CLEC2A: variants seen among roughly 807,000 people sequenced by gnomAD.
CLEC2A encodes C-type lectin domain family 2 member A.
Under a neutral mutation model 18.6 loss-of-function variants are expected in CLEC2A, and 19 were observed. That is an observed-to-expected ratio of 1.02 (90% CI 0.71 to 1.50). The LOEUF (loss-of-function observed/expected upper bound fraction) is 1.50, where lower values mean the gene tolerates loss of function less well. Among genes scored for constraint, CLEC2A ranks in the 40% most tolerant of loss-of-function variants. The pLI is 0.00. For synonymous variants in CLEC2A, 74 were observed against 64.0 expected (o/e 1.16, Z -0.75); for missense variants, 190 against 207.9 (o/e 0.91, Z 0.53).
At chr12:9,889,717 A>G in the CLEC2A span, among the ~76,000 whole-genome samples, 1 of 151,668 alleles carries the variant, frequency 6.6e-6, no homozygotes, top group Non-Finnish European at 1.5e-5. Context: ...TGTAAATGCC[A>G]TTGGTTGTGG....
chr12:9,903,923 C>T (rs1862870587), intron 4 of CLEC2A, among the ~76,000 whole-genome samples: 2 of 152,086 alleles, frequency 1.3e-5, no homozygotes, highest in South Asian at 4.1e-4. Flanking sequence ...TTGTTTTTAT[C>T]CTTTTTGGTT....
intron 2 of CLEC2A, among the ~76,000 whole-genome samples, chr12:9,923,674 A>C (rs1055854952): frequency 6.6e-6 from 1 of 152,184 alleles, no homozygotes; most frequent in Non-Finnish European, 1.5e-5. Flanking sequence ...ACTTGGAACC[A>C]AACCAAGTGC....
At chr12:9,891,605 C>A in the CLEC2A span, among the ~76,000 whole-genome samples, 1 of 152,096 alleles carries the variant, frequency 6.6e-6, no homozygotes, top group Non-Finnish European at 1.5e-5. Context: ...TCATTTTATA[C>A]CTTTTAGCAA....
At chr12:9,913,941 G>C (rs79629724) in intron 4 of CLEC2A, among the ~76,000 whole-genome samples, 3,004 of 152,226 alleles carry the variant, frequency 0.02, 121 homozygotes, top group African/African-American at 0.068. Flanking sequence ...GGTATACAAA[G>C]ACGGGGTAAA....
the CLEC2A span, chr12:9,893,095 C>T: frequency 1.8e-5 from 28 of 1,535,302 alleles, no homozygotes; most frequent in South Asian, 2.4e-5. Flanking sequence ...TCTTTTAAAA[C>T]GTGGAAAGAG....
At chr12:9,879,073 G>A in the CLEC2A span, among the ~76,000 whole-genome samples, 1 of 152,062 alleles carries the variant, frequency 6.6e-6, no homozygotes, top group Non-Finnish European at 1.5e-5. Context: ...ATAAGCCAGA[G>A]GGAATGATTA....
downstream of CLEC2A, among the ~76,000 whole-genome samples, chr12:9,912,763 G>A (rs571454149): frequency 3.3e-5 from 5 of 152,134 alleles, no homozygotes; most frequent in South Asian, 6.2e-4. Flanking sequence ...GACCGTGCTC[G>A]CTCTTCTTTG....
intron 4 of CLEC2A, among the ~76,000 whole-genome samples, chr12:9,906,875 G>A (rs1862915013): frequency 6.6e-6 from 1 of 152,194 alleles, no homozygotes; most frequent in African/African-American, 2.4e-5. Flanking sequence ...TGGATACCCT[G>A]TTAAGAAACC....
At chr12:9,887,934 T>C in the CLEC2A span, among the ~76,000 whole-genome samples, 1 of 151,138 alleles carries the variant, frequency 6.6e-6, no homozygotes, top group South Asian at 2.1e-4. Flanking sequence ...TGTGCGCCTG[T>C]ACTCCCAACT....
At chr12:9,881,469 C>G in the CLEC2A span, 1 of 623,754 alleles carries the variant, frequency 1.6e-6, no homozygotes. Flanking sequence ...TAAATTTTGA[C>G]TATTTTTGGC....
intron 4 of CLEC2A, among the ~76,000 whole-genome samples, chr12:9,908,035 T>C (rs1450447850): frequency 6.6e-6 from 1 of 152,180 alleles, no homozygotes; most frequent in Non-Finnish European, 1.5e-5. Flanking sequence ...ACAGGCAGTA[T>C]TGGGGTGTTA....
At chr12:9,922,347 T>G (rs1164725558) in intron 2 of CLEC2A, 115 bp from the exon 3 acceptor site, 5 of 714,952 alleles carry the variant, frequency 7.0e-6, no homozygotes, top group Non-Finnish European at 1.1e-5. Flanking sequence ...GTAAGTTAGC[T>G]TCCCCCCTCC....
At chr12:9,910,180 A>C (rs1229406288), downstream of CLEC2A, among the ~76,000 whole-genome samples, 1 of 152,184 alleles carries the variant, frequency 6.6e-6, no homozygotes, top group East Asian at 1.9e-4. Flanking sequence ...TGAAGCAAAA[A>C]TACTTTATCA....
intron 1 of CLEC2A, 113 bp from the exon 2 acceptor site, chr12:9,926,456 C>A: frequency 1.5e-6 from 1 of 668,164 alleles, no homozygotes. Flanking sequence ...CAATCAAGTA[C>A]ATACATCTCA....
chr12:9,912,562 A>G (rs2137031150), downstream of CLEC2A, among the ~76,000 whole-genome samples: 1 of 152,058 alleles, frequency 6.6e-6, no homozygotes, highest in South Asian at 2.1e-4. Flanking sequence ...ACTTTTCCTT[A>G]GTTCAGCTAA....
At chr12:9,896,493 A>T (rs1862757288), downstream of CLEC2A, among the ~76,000 whole-genome samples, 1 of 152,160 alleles carries the variant, frequency 6.6e-6, no homozygotes, top group African/African-American at 2.4e-5. Flanking sequence ...TAAATTAAGA[A>T]TTGAAAGAAA....
At chr12:9,889,656 GTGTGTA>G in the CLEC2A span, among the ~76,000 whole-genome samples, 5 of 141,126 alleles carry the variant, frequency 3.5e-5, no homozygotes, top group African/African-American at 1.5e-4. Context: ...ATGTGTGTGT[GTGTGTA>G]TATATATGTA....
At chr12:9,887,766 T>A in the CLEC2A span, among the ~76,000 whole-genome samples, 1 of 142,604 alleles carries the variant, frequency 7.0e-6, no homozygotes. Context: ...GAAAATAAGA[T>A]CAAGACTAGG....
chr12:9,919,198 T>C (rs1863121586), intron 3 of CLEC2A, among the ~76,000 whole-genome samples: 1 of 152,232 alleles, frequency 6.6e-6, no homozygotes, highest in Non-Finnish European at 1.5e-5. Context: ...TCAGTGTTTA[T>C]GTTTCTTCCC....
Sources: gnomAD v4.1 joint callset for allele counts (sites outside exome capture counted in the v4.1 genomes callset) on GRCh38, gnomAD v4.1.1 for gene constraint, MANE v1.5 for transcripts, NCBI Gene and HGNC (gene_info 2026-07-23, HGNC 2026-07-21) for gene names.